MTMR10: variants seen among roughly 807,000 people sequenced by gnomAD.
MTMR10 encodes myotubularin-related protein 10.
Under a neutral mutation model 88.1 loss-of-function variants are expected in MTMR10, and 56 were observed. That is an observed-to-expected ratio of 0.64 (90% CI 0.51 to 0.79). The LOEUF (loss-of-function observed/expected upper bound fraction) is 0.79. Among genes scored for constraint, MTMR10 ranks in the 30% least tolerant of loss-of-function variants. MTMR10 has a pLI of 0.00. For missense variants in MTMR10, 883 were observed against 924.7 expected, an observed-to-expected ratio of 0.95 and a Z score of 0.58; for synonymous variants, 380 against 340.9, an observed-to-expected ratio of 1.11 and a Z score of -1.26.
At chr15:30,979,422 G>A (rs1180788764) in intron 2 of MTMR10, among the ~76,000 whole-genome samples, 2 of 151,550 alleles carry the variant, frequency 1.3e-5, no homozygotes, top group African/African-American at 2.4e-5. Context: ...TTAGCCAGGC[G>A]TGGTGGTGCG....
At chr15:30,968,756 A>C (rs1330735672) in intron 5 of MTMR10, among the ~76,000 whole-genome samples, 1 of 152,228 alleles carries the variant, frequency 6.6e-6, no homozygotes, top group Non-Finnish European at 1.5e-5. Flanking sequence ...AAACAAAAGT[A>C]ATACCTAGGC....
At chr15:30,966,465 T>C (rs911695313) in intron 6 of MTMR10, among the ~76,000 whole-genome samples, 7 of 152,172 alleles carry the variant, frequency 4.6e-5, no homozygotes, top group African/African-American at 7.2e-5. Context: ...ATCATTTCTA[T>C]TGGAAAAACA....
At chr15:30,972,450 T>C (rs1459272382) in intron 5 of MTMR10, among the ~76,000 whole-genome samples, 1 of 152,090 alleles carries the variant, frequency 6.6e-6, no homozygotes, top group Non-Finnish European at 1.5e-5. Context: ...TATTTTAGGA[T>C]ACTGGGGAAA....
chr15:30,969,845 A>G (rs911312500), intron 5 of MTMR10, among the ~76,000 whole-genome samples: 1 of 152,050 alleles, frequency 6.6e-6, no homozygotes, highest in Non-Finnish European at 1.5e-5. Flanking sequence ...ACTTAGCCCC[A>G]GCCATCTCCA....
rs748105541 is a variant in MTMR10, at chr15:30,953,675, TAC to T, written c.1067-46_1067-45del. On this transcript the variant is annotated intron_variant, in intron 10 of 15. Coordinates refer to ENST00000435680, the MANE Select transcript of MTMR10 (RefSeq NM_017762.3). The stretch of plus-strand genomic sequence containing the variant: ...ATACACATTTTTACTTTTTATTTTA[TAC>T]GATCCCTATCAGAGTAAAGAGATAC... 9.5e-5 allele frequency: 126 copies of T among 1,323,270 alleles called. 2 individuals are homozygous for T. In the East Asian group the frequency reaches 3.0e-3, roughly 31 times the overall value. The allele number at this position is 1,323,270 out of a possible 1,614,324, so 82.0% of individuals were successfully genotyped here.
chr15:30,968,040 T>C (rs1299859391), intron 5 of MTMR10, 30 bp from the exon 6 acceptor site: 7 of 1,457,742 alleles, frequency 4.8e-6, no homozygotes, highest in African/African-American at 1.4e-5. Flanking sequence ...TAGAATTTGA[T>C]TTTAACACAC....
intron 5 of MTMR10, among the ~76,000 whole-genome samples, chr15:30,971,065 A>G (rs2063532505): frequency 6.6e-6 from 1 of 152,070 alleles, no homozygotes; most frequent in African/African-American, 2.4e-5. Flanking sequence ...ACTGTGGAAC[A>G]CTCCGAGAAG....
intron 2 of MTMR10, among the ~76,000 whole-genome samples, chr15:30,977,188 A>C (rs2030216676): frequency 6.6e-6 from 1 of 152,168 alleles, no homozygotes; most frequent in African/African-American, 2.4e-5. Flanking sequence ...AGCTGGTTGA[A>C]CCAGAAAGGC....
chr15:30,925,904 C>T, the MTMR10 span: 1 of 1,614,230 alleles, frequency 6.2e-7, no homozygotes, highest in Non-Finnish European at 8.5e-7. Context: ...GAGGAGCTGG[C>T]ACTGGCCCAT....
chr15:30,919,692 GA>G, the MTMR10 span, among the ~76,000 whole-genome samples: 3,648 of 129,310 alleles, frequency 0.028, 63 homozygotes, highest in Non-Finnish European at 0.039. Flanking sequence ...CTGTCTCGGG[GA>G]AAAAAAAAAA....
rs1489430634 is a variant in MTMR10, at chr15:30,939,722, T to A, written c.*1748A>T. Reference sequence around the variant, plus strand: ...CTCAATCCAAAACATTTAGTAATAATAAAAAAGCAGCTAAATGAAAAAGGG... The same window carrying A: ...CTCAATCCAAAACATTTAGTAATAAAAAAAAAGCAGCTAAATGAAAAAGGG... On this transcript the variant is annotated 3_prime_UTR_variant, in exon 16 of 16. Transcript: ENST00000435680. 2.0e-6 allele frequency: 2 copies of A among 979,866 alleles called. No individual in the cohort carries two copies. Among genetic ancestry groups the A allele is most frequent in the Non-Finnish European group, 2.4e-6 (2 of 825,050 alleles). 60.7% of individuals were successfully genotyped at this position (979,866 alleles called of 1,614,324 possible).
intron 3 of MTMR10, among the ~76,000 whole-genome samples, chr15:30,976,332 G>T (rs576884267): frequency 6.6e-6 from 1 of 152,028 alleles, no homozygotes; most frequent in Non-Finnish European, 1.5e-5. Context: ...AGCCCAGGAA[G>T]CAGACAGAGG....
At chr15:30,991,275 G>C (rs1291803158) in intron 1 of MTMR10, 172 bp downstream of exon 1, 21 of 597,706 alleles carry the variant, frequency 3.5e-5, no homozygotes, top group Admixed American at 1.7e-4. Context: ...CGCCGAGCCA[G>C]TGGGGGCTCC....
intron 7 of MTMR10, 22 bp from the exon 8 acceptor site, chr15:30,959,143 A>G (rs780376186): frequency 3.2e-6 from 5 of 1,549,596 alleles, no homozygotes; most frequent in South Asian, 1.2e-5. Context: ...AAAAAAAATT[A>G]TATGAGTGCT....
chr15:30,991,454 G>T lies in MTMR10; in HGVS notation c.53C>A (p.Pro18Gln). ...KPTFRSYLLPPPQTDDKINSE... is the reference protein window; with the variant it reads ...KPTFRSYLLPQPQTDDKINSE... ...CGGGGAGGGGTTGTTTACCTGGGGC[G>T]GTGGCAGGAGGTAGGACCTGAAGGT... Residue 18 changes from proline (P) to glutamine (Q), a missense_variant, in exon 1 of 16, where the codon CCG (proline) becomes CAG (glutamine). Coordinates refer to ENST00000435680, the MANE Select transcript of MTMR10 (RefSeq NM_017762.3). 1 of 1,503,172 alleles carries T rather than the reference G, an allele frequency of 6.7e-7. No homozygotes were observed. Among genetic ancestry groups the T allele is most frequent in the Non-Finnish European group, 8.8e-7 (1 of 1,132,368 alleles). The allele number at this position is 1,503,172 out of a possible 1,614,324, so 93.1% of individuals were successfully genotyped here. A position where few individuals can be genotyped will look rare whatever the true frequency, so the allele number is the denominator to read the frequency against.
At chr15:30,921,858 C>T in the MTMR10 span, among the ~76,000 whole-genome samples, 1 of 152,222 alleles carries the variant, frequency 6.6e-6, no homozygotes, top group South Asian at 2.1e-4. Flanking sequence ...TGCAGTTGGT[C>T]CTGTGACCTG....
chr15:30,989,586 GTTTT>G (rs35798908), intron 2 of MTMR10, among the ~76,000 whole-genome samples: 1 of 143,402 alleles, frequency 7.0e-6, no homozygotes, highest in African/African-American at 2.6e-5. Flanking sequence ...TTGATTTCAG[GTTTT>G]TTTTTTTTTT....
At chr15:30,942,544 G>T (rs751612358) in intron 15 of MTMR10, 3 of 322,662 alleles carry the variant, frequency 9.3e-6, no homozygotes, top group Non-Finnish European at 1.1e-5. Context: ...ATTAGGACAA[G>T]AATATAGCAG....
rs1448275300 is a variant in MTMR10, at chr15:30,954,744, G to C, written c.1066+19C>G. On this transcript the variant is annotated intron_variant, in intron 10 of 15. Transcript: ENST00000435680. ...TGTATCCTGTGTTCATTATATATAT[G>C]AAATAAGAATGAAATTACCATTAAC... 6.3e-7 allele frequency: 1 copy of C among 1,578,468 alleles called. No individual in the cohort carries two copies. Among genetic ancestry groups the C allele is most frequent in the Non-Finnish European group, 8.6e-7 (1 of 1,165,036 alleles).
Sources: allele counts gnomAD v4.1 joint callset (sites outside exome capture counted in the v4.1 genomes callset), GRCh38; gene constraint gnomAD v4.1.1; transcripts MANE v1.5; gene names NCBI Gene and HGNC (gene_info 2026-07-23, HGNC 2026-07-21).